Variants in R3HCC1L observed in about 807,000 individuals in gnomAD.
R3HCC1L encodes coiled-coil domain-containing protein R3HCC1L.
Under a neutral mutation model 59.9 loss-of-function variants are expected in R3HCC1L, and 51 were observed. The observed-to-expected ratio is 0.85, with a 90% CI of 0.68 to 1.07. The LOEUF (loss-of-function observed/expected upper bound fraction) is 1.07. Ranked by LOEUF, R3HCC1L falls within the 50% of genes least tolerant of loss-of-function variation. R3HCC1L has a pLI of 0.00. For synonymous variants in R3HCC1L, 322 were observed against 315.2 expected, an observed-to-expected ratio of 1.02 and a Z score of -0.23; for missense variants, 965 against 933.0, an observed-to-expected ratio of 1.03 and a Z score of -0.45.
intron 4 of R3HCC1L, among the ~76,000 whole-genome samples, chr10:98,169,375 A>T (rs1239894481): frequency 6.6e-6 from 1 of 152,234 alleles, no homozygotes; most frequent in East Asian, 1.9e-4. Flanking sequence ...GATTTCTCCT[A>T]TATAAAATTG....
intron 1 of R3HCC1L, among the ~76,000 whole-genome samples, chr10:98,144,062 G>T (rs1157363587): frequency 6.6e-6 from 1 of 152,110 alleles, no homozygotes; most frequent in African/African-American, 2.4e-5. Context: ...CCAGCATTTT[G>T]TGGGGGGTCC....
At chr10:98,216,856 A>C (rs1411194663) in intron 5 of R3HCC1L, among the ~76,000 whole-genome samples, 1 of 152,152 alleles carries the variant, frequency 6.6e-6, no homozygotes, top group African/African-American at 2.4e-5. Context: ...TTGGGATTAC[A>C]AGTATGACTC....
intron 5 of R3HCC1L, among the ~76,000 whole-genome samples, chr10:98,226,036 C>T (rs567263479): frequency 6.6e-6 from 1 of 151,972 alleles, no homozygotes; most frequent in Admixed American, 6.6e-5. Context: ...TTTGTAGAGG[C>T]AGGGTTTTGC....
intron 5 of R3HCC1L, chr10:98,230,903 C>A: frequency 5.8e-6 from 1 of 173,754 alleles, no homozygotes. Flanking sequence ...AATTCCTTCA[C>A]TAGCCTGCTA....
chr10:98,176,797 G>C (rs987317578), intron 4 of R3HCC1L, among the ~76,000 whole-genome samples: 6 of 151,992 alleles, frequency 3.9e-5, no homozygotes, highest in African/African-American at 1.4e-4. Flanking sequence ...TACGGGGAGA[G>C]CATTTGGTTC....
intron 1 of R3HCC1L, among the ~76,000 whole-genome samples, chr10:98,147,988 T>C (rs894462695): frequency 6.6e-6 from 1 of 152,184 alleles, no homozygotes; most frequent in African/African-American, 2.4e-5. Flanking sequence ...AATCTGTACA[T>C]TGCTTTGGGT....
intron 1 of R3HCC1L, among the ~76,000 whole-genome samples, chr10:98,142,285 A>C (rs1003412785): frequency 4.6e-5 from 7 of 152,206 alleles, no homozygotes; most frequent in African/African-American, 1.7e-4. Context: ...GGAAATAAAC[A>C]AAATCAACTC....
intron 5 of R3HCC1L, among the ~76,000 whole-genome samples, chr10:98,222,811 A>G (rs1389501770): frequency 2.0e-5 from 3 of 152,164 alleles, no homozygotes; most frequent in Admixed American, 1.3e-4. Flanking sequence ...TAAAGAAAAA[A>G]AGAGAGAAGA....
In R3HCC1L at chr10:98,208,920, T is replaced by C; in HGVS notation, c.806T>C (p.Val269Ala). The change falls in exon 5 of 10, where the codon GTT becomes GCT. Residue 269 changes from valine (V) to alanine (A), a missense_variant. By Grantham distance (64) the Val-to-Ala change is moderately conservative (BLOSUM62 0). Coordinates refer to ENST00000298999, the MANE Select transcript of R3HCC1L (RefSeq NM_001351015.2). ...AGCGGAGGCATCACCACTACTTCTG[T>C]TCCTGGAAGTCCAGATGGTGTCTTT... ...PSSGGITTTS[V>A]PGSPDGVFDQ... 1 of 1,614,086 alleles carries C rather than the reference T, an allele frequency of 6.2e-7. No homozygotes were observed.
chr10:98,183,272 T>C (rs191020686), intron 4 of R3HCC1L, among the ~76,000 whole-genome samples: 2 of 152,310 alleles, frequency 1.3e-5, no homozygotes, highest in African/African-American at 4.8e-5. Context: ...TTCAGCACTT[T>C]AGTGGTGTCT....
chr10:98,148,923 T>G (rs1219405855), intron 1 of R3HCC1L, among the ~76,000 whole-genome samples: 1 of 152,172 alleles, frequency 6.6e-6, no homozygotes, highest in Non-Finnish European at 1.5e-5. Flanking sequence ...CCTTCAGTTT[T>G]CTGGAAGAGT....
rs566177619 is a variant in R3HCC1L, at chr10:98,140,482, A to G, written c.-268+5776A>G. ...GGGTCAGTCAGAGACAGAGAAGTCAAAAACAGAGAGGGACAGTCACCTAGG... is the reference window on the plus strand; with the variant it reads ...GGGTCAGTCAGAGACAGAGAAGTCAGAAACAGAGAGGGACAGTCACCTAGG... On this transcript the variant is annotated intron_variant, in intron 1 of 9. Coordinates refer to ENST00000298999, the MANE Select transcript of R3HCC1L (RefSeq NM_001351015.2). 1.1e-4 allele frequency among the ~76,000 whole-genome samples: 16 copies of G among 152,268 alleles called. No individual in the cohort carries two copies. The South Asian group carries it at 3.3e-3, about 32-fold the overall frequency.
chr10:98,181,423 C>G (rs746999465), intron 4 of R3HCC1L, among the ~76,000 whole-genome samples: 1 of 152,246 alleles, frequency 6.6e-6, no homozygotes, highest in East Asian at 1.9e-4. Context: ...GTGGGTAATC[C>G]GACCTTTCTC....
At chr10:98,146,173 C>G (rs1259961745) in intron 1 of R3HCC1L, among the ~76,000 whole-genome samples, 1 of 79,750 alleles carries the variant, frequency 1.3e-5, no homozygotes, top group African/African-American at 5.9e-5. Context: ...GCTGTGATAG[C>G]ATCTTTTTTG....
At chr10:98,241,970 T>C (rs1564747725) in intron 9 of R3HCC1L, among the ~76,000 whole-genome samples, 1 of 152,254 alleles carries the variant, frequency 6.6e-6, no homozygotes, top group Non-Finnish European at 1.5e-5. Context: ...TCTTTGTGCT[T>C]CTCAATTTGT....
At chr10:98,212,429 A>G (rs970223604) in intron 5 of R3HCC1L, among the ~76,000 whole-genome samples, 2 of 152,186 alleles carry the variant, frequency 1.3e-5, no homozygotes, top group African/African-American at 4.8e-5. Flanking sequence ...AAGGTGTGAC[A>G]GCCATTGGCT....
chr10:98,148,355 T>C (rs1410312691), intron 1 of R3HCC1L, among the ~76,000 whole-genome samples: 1 of 152,178 alleles, frequency 6.6e-6, no homozygotes, highest in Non-Finnish European at 1.5e-5. Flanking sequence ...GACTTCCTCC[T>C]TTCCAATTTG....
At chr10:98,210,021 G>T (rs1398156358) in intron 5 of R3HCC1L, 122 bp downstream of exon 5, 6 of 726,714 alleles carry the variant, frequency 8.3e-6, no homozygotes, top group South Asian at 1.9e-5. Flanking sequence ...AAACTAATAG[G>T]CTTGTAGATT....
intron 5 of R3HCC1L, among the ~76,000 whole-genome samples, chr10:98,217,060 AGG>A (rs1854292920): frequency 6.6e-6 from 1 of 152,224 alleles, no homozygotes; most frequent in Non-Finnish European, 1.5e-5. Flanking sequence ...AATGTTGGTA[AGG>A]AAATTGAAAC....
Sources: gnomAD v4.1 joint callset for allele counts (sites outside exome capture counted in the v4.1 genomes callset) on GRCh38, gnomAD v4.1.1 for gene constraint, MANE v1.5 for transcripts, NCBI Gene and HGNC (gene_info 2026-07-23, HGNC 2026-07-21) for gene names.